Variants in USP33 observed in about 807,000 individuals in gnomAD.
The protein encoded by USP33 is ubiquitin carboxyl-terminal hydrolase 33.
In USP33, 46 loss-of-function variants were observed where a neutral mutation model predicts 124.2. The ratio of observed to expected loss-of-function variants is 0.37; its 90% CI spans 0.29 to 0.47. USP33 has a LOEUF of 0.47. Ranked by LOEUF, USP33 falls within the 20% of genes least tolerant of loss-of-function variation. The pLI is 0.99. For missense variants in USP33, 851 were observed against 1,070.6 expected (o/e 0.79, Z 2.86); for synonymous variants, 350 against 352.3 (o/e 0.99, Z 0.07).
chr1:77,749,170 G>A (rs1290285438), intron 1 of USP33, among the ~76,000 whole-genome samples: 1 of 151,958 alleles, frequency 6.6e-6, no homozygotes, highest in Admixed American at 6.5e-5. Flanking sequence ...CCTGTATTTG[G>A]GGTCTATGGT....
chr1:77,697,652 G>C, intron 23 of USP33, 178 bp from the exon 24 acceptor site: 1 of 907,608 alleles, frequency 1.1e-6, no homozygotes, highest in Non-Finnish European at 1.6e-6. Flanking sequence ...GTCTTAAAAA[G>C]TCAGAGATGC....
rs530958687 is a variant in USP33, at chr1:77,759,807, G to C, written c.-216C>G. The C allele has an allele frequency of 3.9e-4, 155 of 397,388 alleles. No individual in the cohort carries two copies. Among genetic ancestry groups the C allele is most frequent in the Non-Finnish European group, 5.5e-4 (124 of 225,290 alleles). 24.6% of individuals were successfully genotyped at this position (397,388 alleles called of 1,614,324 possible). On this transcript the variant is annotated 5_prime_UTR_variant, in exon 1 of 24. Coordinates refer to ENST00000370794, the MANE Select transcript of USP33 (RefSeq NM_201624.3). ...GCTGCCCTCGGGGGGTCCGCCTCCTGAACTGGCCACTTCCCGCAGCAGCCG... is the reference window on the plus strand; with the variant it reads ...GCTGCCCTCGGGGGGTCCGCCTCCTCAACTGGCCACTTCCCGCAGCAGCCG...
intron 6 of USP33, 112 bp downstream of exon 6, chr1:77,735,939 CTTTTG>C (rs1570820587): frequency 9.9e-6 from 7 of 706,844 alleles, no homozygotes; most frequent in African/African-American, 1.9e-5. Flanking sequence ...TTTCAGAGTC[CTTTTG>C]TTTTAATTAT....
At chr1:77,699,404 C>T (rs978221566) in intron 22 of USP33, among the ~76,000 whole-genome samples, 17 of 152,152 alleles carry the variant, frequency 1.1e-4, no homozygotes, top group Admixed American at 9.8e-4. Flanking sequence ...CCTGTAATCC[C>T]AGCTACTCAG....
chr1:77,736,413 A>G (rs550329837), intron 5 of USP33, among the ~76,000 whole-genome samples: 1 of 152,254 alleles, frequency 6.6e-6, no homozygotes, highest in Non-Finnish European at 1.5e-5. Flanking sequence ...TTACAACCGA[A>G]TTTTCTGAAT....
At chr1:77,746,913 T>G (rs1330871669) in intron 1 of USP33, among the ~76,000 whole-genome samples, 1 of 152,188 alleles carries the variant, frequency 6.6e-6, no homozygotes, top group African/African-American at 2.4e-5. Flanking sequence ...AATATTTCAC[T>G]AGTACTTTAA....
intron 22 of USP33, among the ~76,000 whole-genome samples, chr1:77,700,971 T>C (rs1318463680): frequency 6.6e-6 from 1 of 152,214 alleles, no homozygotes; most frequent in Non-Finnish European, 1.5e-5. Flanking sequence ...ACTTTTGGGA[T>C]TATGGGCGTG....
intron 1 of USP33, among the ~76,000 whole-genome samples, chr1:77,759,034 T>C (rs544645316): frequency 6.6e-6 from 1 of 152,246 alleles, no homozygotes; most frequent in East Asian, 1.9e-4. Flanking sequence ...ACGAGAAATA[T>C]AAGTAAAGGT....
chr1:77,705,181 G>C (rs1570732394), intron 21 of USP33, among the ~76,000 whole-genome samples: 1 of 150,992 alleles, frequency 6.6e-6, no homozygotes, highest in African/African-American at 2.4e-5. Flanking sequence ...ATAATAATAG[G>C]TTTGCACTTT....
intron 1 of USP33, among the ~76,000 whole-genome samples, chr1:77,750,624 A>AAAAGAAACAAAGAAAGAAAG (rs1469933007): frequency 7.1e-4 from 87 of 123,386 alleles, no homozygotes; most frequent in African/African-American, 2.6e-3. Flanking sequence ...CCTGACTTAA[A>AAAAGAAACAAAGAAAGAAAG]AAAGAAAGAA....
rs1232162226 is a variant in USP33, at chr1:77,722,112, G to A, written c.1474C>T (p.His492Tyr). Residue 492 changes from histidine to tyrosine, a missense_variant, in exon 13 of 24, where the codon CAT becomes TAT. By Grantham distance (83) the His-to-Tyr change is moderately conservative (BLOSUM62 2). Transcript: ENST00000370794. ...CCTGCTTTGACTATAGAAGTTGGAT[G>A]ACTTGATGAATGCAGCTTAGCAAGG... ...EDLAKLHSSS[H>Y]PTSIVKAGSC... 3 of 1,614,042 alleles carry A rather than the reference G, an allele frequency of 1.9e-6. No homozygotes were observed. Among genetic ancestry groups the A allele is most frequent in the Non-Finnish European group, 2.5e-6 (3 of 1,179,974 alleles).
chr1:77,753,150 C>T (rs998135826), intron 1 of USP33, among the ~76,000 whole-genome samples: 44 of 152,146 alleles, frequency 2.9e-4, no homozygotes, highest in African/African-American at 1.0e-3. Context: ...ATGTGATATT[C>T]GACATTGGGA....
rs201069680 is a variant in USP33 at position 77,713,181 on chromosome 1, T to A, written c.2297+19A>T. 128 of 1,594,832 alleles carry A rather than the reference T, an allele frequency of 8.0e-5. No homozygotes were observed. The highest frequency in any genetic ancestry group is 3.3e-4 in the Middle Eastern group (2 of 6,012). Reference sequence around the variant, plus strand: ...AACCGACTTTCACAACACTGTATGGTCTGATTTAAAAAACAAACCTGCTAT... The same window carrying A: ...AACCGACTTTCACAACACTGTATGGACTGATTTAAAAAACAAACCTGCTAT... On this transcript the variant is annotated intron_variant, in intron 20 of 23. Transcript: ENST00000370794.
At chr1:77,716,504 G>C (rs1049912175) in intron 17 of USP33, among the ~76,000 whole-genome samples, 1 of 152,140 alleles carries the variant, frequency 6.6e-6, no homozygotes, top group South Asian at 2.1e-4. Flanking sequence ...CAGCAGCCTC[G>C]ACGAGCCAGT....
intron 1 of USP33, among the ~76,000 whole-genome samples, chr1:77,747,898 TTATC>T (rs1276359360): frequency 6.6e-6 from 1 of 152,198 alleles, no homozygotes; most frequent in Non-Finnish European, 1.5e-5. Flanking sequence ...AATACTACCT[TTATC>T]TTTTATTAAA....
intron 10 of USP33, among the ~76,000 whole-genome samples, chr1:77,727,894 A>G (rs1570797032): frequency 6.6e-6 from 1 of 152,312 alleles, no homozygotes; most frequent in South Asian, 2.1e-4. Flanking sequence ...CTACACTAAA[A>G]CACATCTGAT....
intron 22 of USP33, among the ~76,000 whole-genome samples, chr1:77,698,730 G>A (rs1206440077): frequency 1.3e-5 from 2 of 151,854 alleles, no homozygotes; most frequent in East Asian, 3.9e-4. Flanking sequence ...TTGATCTCCT[G>A]ACCTCGTGAT....
At chr1:77,705,441 T>C (rs962260675) in intron 21 of USP33, among the ~76,000 whole-genome samples, 1 of 152,092 alleles carries the variant, frequency 6.6e-6, no homozygotes, top group Non-Finnish European at 1.5e-5. Context: ...GTGATCCGCC[T>C]GCCTCAGCCT....
At chr1:77,728,200 T>C (rs1246304112) in intron 10 of USP33, 95 bp downstream of exon 10, 3 of 1,327,684 alleles carry the variant, frequency 2.3e-6, no homozygotes, top group African/African-American at 1.5e-5. Flanking sequence ...TAAACTATAA[T>C]TCTAATTAGA....
Sources: allele counts gnomAD v4.1 joint callset (sites outside exome capture counted in the v4.1 genomes callset), GRCh38; gene constraint gnomAD v4.1.1; transcripts MANE v1.5; gene names NCBI Gene and HGNC (gene_info 2026-07-23, HGNC 2026-07-21).